ARHGEF10L: variants seen among roughly 807,000 people sequenced by gnomAD.
ARHGEF10L encodes Rho guanine nucleotide exchange factor 10 like.
ARHGEF10L carries 69 observed loss-of-function variants against 141.2 expected under a neutral mutation model. That is an observed-to-expected ratio of 0.49 (90% confidence interval 0.40 to 0.60). The LOEUF is 0.60. Among genes scored for constraint, ARHGEF10L ranks in the 20% least tolerant of loss-of-function variants. ARHGEF10L has a pLI of 0.00. For missense variants in ARHGEF10L, 1,482 were observed against 1,734.3 expected (o/e 0.85, Z 2.58); for synonymous variants, 711 against 718.5 (o/e 0.99, Z 0.17).
chr1:17,654,851 T>C lies in ARHGEF10L; in HGVS notation c.2481+129T>C. ...TCATGCAGCTTCATCCACCAAGGTC[T>C]TCCTGGGCACCTCTGGTGCCAGGCA... On this transcript the variant is annotated intron_variant, in intron 23 of 28. Transcript: ENST00000361221. This position sits in a 1 kb window ranked among gnomAD's most constrained non-coding sequence, Gnocchi z 4.3. 1 of 882,722 alleles carries C rather than the reference T, an allele frequency of 1.1e-6. No individual in the cohort carries two copies. The highest frequency in any genetic ancestry group is 2.5e-5 in the East Asian group (1 of 40,486). 54.7% of individuals were successfully genotyped at this position (882,722 alleles called of 1,614,324 possible).
intron 2 of ARHGEF10L, among the ~76,000 whole-genome samples, chr1:17,582,319 T>A (rs540123982): frequency 3.3e-4 from 50 of 152,182 alleles, no homozygotes; most frequent in African/African-American, 1.1e-3. Flanking sequence ...GAAAAAAAAA[T>A]TTATGACTAA....
chr1:17,634,492 G>C, intron 16 of ARHGEF10L, 56 bp from the exon 17 acceptor site: 1 of 1,614,136 alleles, frequency 6.2e-7, no homozygotes, highest in Non-Finnish European at 8.5e-7. Context: ...ACAGCCCCCA[G>C]ATTAGCCACT....
In ARHGEF10L at chr1:17,652,959, C is replaced by T. The variant is rs531616990; in HGVS notation, c.2395-1677C>T. ...GCCAGAACTGCTGTTGGCCGTGTAC[C>T]CTGTCTCCTGCTCATCCTTGATGGC... On this transcript the variant is annotated intron_variant, in intron 22 of 28. Coordinates refer to ENST00000361221, the MANE Select transcript of ARHGEF10L (RefSeq NM_018125.4). 4.6e-5 allele frequency among the ~76,000 whole-genome samples: 7 copies of T among 152,284 alleles called. No individual in the cohort carries two copies. In the East Asian group the frequency reaches 7.7e-4, roughly 17 times the overall value.
At chr1:17,576,836 A>T (rs1055186092) in intron 1 of ARHGEF10L, among the ~76,000 whole-genome samples, 1 of 152,208 alleles carries the variant, frequency 6.6e-6, no homozygotes, top group Non-Finnish European at 1.5e-5. Context: ...AACCTGAATC[A>T]TCCCGGCACC....
intron 28 of ARHGEF10L, among the ~76,000 whole-genome samples, chr1:17,695,754 C>A (rs1314268105): frequency 6.6e-6 from 1 of 151,294 alleles, no homozygotes; most frequent in Non-Finnish European, 1.5e-5. Context: ...TCAGAGAAGA[C>A]CCCCACACTT....
At chr1:17,572,829 C>T (rs2078059609) in intron 1 of ARHGEF10L, among the ~76,000 whole-genome samples, 1 of 152,062 alleles carries the variant, frequency 6.6e-6, no homozygotes, top group African/African-American at 2.4e-5. Context: ...GAGCCTGACC[C>T]CTGGAGGTGA....
At chr1:17,526,625 C>A in the ARHGEF10L span, among the ~76,000 whole-genome samples, 1 of 152,138 alleles carries the variant, frequency 6.6e-6, no homozygotes, top group Non-Finnish European at 1.5e-5. Context: ...CAAGGCTGGC[C>A]GGGCACAGTC....
chr1:17,555,381 T>C lies in ARHGEF10L; in HGVS notation c.-44+15431T>C, dbSNP rs79674810. Among the ~76,000 whole-genome samples, 10 of 152,212 alleles carry C rather than the reference T, an allele frequency of 6.6e-5. 1 individual carries two copies. Among genetic ancestry groups the C allele is most frequent in the African/African-American group, 1.9e-4 (8 of 41,516 alleles). Reference sequence around the variant, plus strand: ...CTGTTTAAACTACTTTTTTTTTTTTTTGAGATAGTCTTGCTCTGTCTCCTA... The same window carrying C: ...CTGTTTAAACTACTTTTTTTTTTTTCTGAGATAGTCTTGCTCTGTCTCCTA... On this transcript the variant is annotated intron_variant, in intron 1 of 28. Coordinates refer to ENST00000361221, the MANE Select transcript of ARHGEF10L (RefSeq NM_018125.4).
rs1160762882 is a variant in ARHGEF10L, at chr1:17,603,259, C to T, written c.350-249C>T. ...TCCATTAGCCAGATGGGCAGGCCTG[C>T]GGGCAGCAGGGAGCCAGGTGGGGTC... On this transcript the variant is annotated intron_variant, in intron 5 of 28. Transcript: ENST00000361221. This position sits in a 1 kb window ranked among gnomAD's most constrained non-coding sequence, Gnocchi z 4.8. 5.3e-5 allele frequency among the ~76,000 whole-genome samples: 7 copies of T among 132,320 alleles called. No homozygotes were observed. The highest frequency in any genetic ancestry group is 7.6e-5 in the Non-Finnish European group (5 of 65,614). The allele number at this position is 132,320 out of a possible 152,430, so 86.8% of individuals were successfully genotyped here. A position where few individuals can be genotyped will look rare whatever the true frequency, so the allele number is the denominator to read the frequency against.
intron 1 of ARHGEF10L, among the ~76,000 whole-genome samples, chr1:17,549,667 G>A (rs1164120136): frequency 6.6e-6 from 1 of 152,136 alleles, no homozygotes; most frequent in Non-Finnish European, 1.5e-5. Flanking sequence ...GTGTGGAAGA[G>A]GCCATGTTAG....
At chr1:17,562,366 A>G (rs552580781) in intron 1 of ARHGEF10L, among the ~76,000 whole-genome samples, 1 of 152,098 alleles carries the variant, frequency 6.6e-6, no homozygotes, top group South Asian at 2.1e-4. Flanking sequence ...GCAGTGAACC[A>G]TAATAGTGCC....
Position 17,623,319 on chromosome 1 carries a change from G to T in ARHGEF10L, c.1200+144G>T. 1 of 989,590 alleles carries T rather than the reference G, an allele frequency of 1.0e-6. No individual in the cohort carries two copies. The highest frequency in any genetic ancestry group is 1.5e-6 in the Non-Finnish European group (1 of 679,966). The allele number at this position is 989,590 out of a possible 1,614,324, so 61.3% of individuals were successfully genotyped here. A position where few individuals can be genotyped will look rare whatever the true frequency, so the allele number is the denominator to read the frequency against. Reference sequence around the variant, plus strand: ...ATTAGAGGGTGGCAGGGTCTTCTGGGCCTGATCTAGGGGTGAGTGTGACAC... The same window carrying T: ...ATTAGAGGGTGGCAGGGTCTTCTGGTCCTGATCTAGGGGTGAGTGTGACAC... On this transcript the variant is annotated intron_variant, in intron 12 of 28. Transcript: ENST00000361221. This position sits in a 1 kb window ranked among gnomAD's most constrained non-coding sequence, Gnocchi z 4.7.
At chr1:17,549,780 G>A (rs1009991138) in intron 1 of ARHGEF10L, among the ~76,000 whole-genome samples, 9 of 152,168 alleles carry the variant, frequency 5.9e-5, no homozygotes, top group Non-Finnish European at 1.2e-4. Context: ...ATTCCAGCTA[G>A]TAAAAACTCT....
intron 26 of ARHGEF10L, among the ~76,000 whole-genome samples, chr1:17,686,237 C>G (rs1558033926): frequency 6.6e-6 from 1 of 152,150 alleles, no homozygotes; most frequent in East Asian, 1.9e-4. Flanking sequence ...GTCCCCATGG[C>G]TTGGGGATTT....
chr1:17,557,275 G>T (rs2100788963), intron 1 of ARHGEF10L, among the ~76,000 whole-genome samples: 1 of 151,842 alleles, frequency 6.6e-6, no homozygotes, highest in South Asian at 2.1e-4. Flanking sequence ...CCCAGGAGGG[G>T]GAGGTTGCAG....
intron 11 of ARHGEF10L, among the ~76,000 whole-genome samples, chr1:17,622,164 C>A (rs1319943419): frequency 6.6e-6 from 1 of 152,132 alleles, no homozygotes; most frequent in African/African-American, 2.4e-5. Context: ...AAATGGGATT[C>A]TTTGAAATGA....
At chr1:17,548,870 A>G (rs550631497) in intron 1 of ARHGEF10L, among the ~76,000 whole-genome samples, 1 of 151,646 alleles carries the variant, frequency 6.6e-6, no homozygotes, top group African/African-American at 2.4e-5. Context: ...GCTGGTCTTG[A>G]ACTCCTGACC....
At chr1:17,579,408 C>T (rs1373460038) in intron 1 of ARHGEF10L, among the ~76,000 whole-genome samples, 1 of 152,186 alleles carries the variant, frequency 6.6e-6, no homozygotes, top group Non-Finnish European at 1.5e-5. Context: ...GCACAGACTC[C>T]AGAGCCCCAT....
Position 17,637,019 on chromosome 1 carries a change from C to A in ARHGEF10L, c.1928-869C>A, listed in dbSNP as rs186193482. Among the ~76,000 whole-genome samples the A allele has an allele frequency of 1.2e-3, 189 of 152,204 alleles. 3 individuals are homozygous for A. Among genetic ancestry groups the A allele is most frequent in the Middle Eastern group, 6.8e-3 (2 of 294 alleles). On this transcript the variant is annotated intron_variant, in intron 18 of 28. Transcript: ENST00000361221. ...TCATCACTGGTGATCTGGGCCCCCTCACCCCATCACTGTCCCACCACACTG... is the reference window on the plus strand; with the variant it reads ...TCATCACTGGTGATCTGGGCCCCCTAACCCCATCACTGTCCCACCACACTG...
Sources: allele counts gnomAD v4.1 joint callset (sites outside exome capture counted in the v4.1 genomes callset), GRCh38; gene constraint gnomAD v4.1.1; non-coding constraint Gnocchi (gnomAD v3.1); transcripts MANE v1.5; gene names NCBI Gene and HGNC (gene_info 2026-07-23, HGNC 2026-07-21).